Variants in ATXN2 observed in about 807,000 individuals in gnomAD.
ATXN2 encodes ataxin 2.
ATXN2 carries 37 observed loss-of-function variants against 138.6 expected under a neutral mutation model. The ratio of observed to expected loss-of-function variants is 0.27; its 90% CI spans 0.21 to 0.35. ATXN2 has a LOEUF of 0.35. Ranked by LOEUF, ATXN2 falls within the 10% of genes least tolerant of loss-of-function variation. The pLI is 1.00. For synonymous variants in ATXN2, 549 were observed against 543.7 expected (o/e 1.01, Z -0.13); for missense variants, 1,216 against 1,480.3 (o/e 0.82, Z 2.93).
chr12:111,458,560 G>A (rs2135653001), intron 21 of ATXN2, among the ~76,000 whole-genome samples: 1 of 152,312 alleles, frequency 6.6e-6, no homozygotes, highest in South Asian at 2.1e-4. Flanking sequence ...TGAGAATAGA[G>A]CGTTCTCAAG....
At chr12:111,578,250 T>C (rs1883792090) in intron 1 of ATXN2, among the ~76,000 whole-genome samples, 1 of 152,144 alleles carries the variant, frequency 6.6e-6, no homozygotes, top group East Asian at 1.9e-4. Context: ...AACTGTTCAG[T>C]GTTTGTCTAC....
intron 5 of ATXN2, among the ~76,000 whole-genome samples, chr12:111,526,452 C>T (rs1389666664): frequency 6.6e-6 from 1 of 150,860 alleles, no homozygotes; most frequent in African/African-American, 2.4e-5. Context: ...TCACCCAGAC[C>T]GGAGTGCAGT....
intron 1 of ATXN2, among the ~76,000 whole-genome samples, chr12:111,592,258 C>T (rs757220179): frequency 6.6e-6 from 1 of 151,108 alleles, no homozygotes; most frequent in African/African-American, 2.4e-5. Flanking sequence ...GGCATGGTGG[C>T]GGGTGCCTGT....
chr12:111,483,188 AACACATACACACACACACACACACAC>A (rs1346975749), intron 18 of ATXN2, among the ~76,000 whole-genome samples: 43 of 118,944 alleles, frequency 3.6e-4, no homozygotes, highest in Non-Finnish European at 5.5e-4. Context: ...CCCTGTATCA[AACACATACACACACACACACACACAC>A]ACACACACAC....
At position 111,479,671 on chromosome 12, in the gene ATXN2, C is replaced by T. The variant is rs576615970; in HGVS notation, c.2524+5594G>A. On this transcript the variant is annotated intron_variant, in intron 18 of 24. Transcript: ENST00000673436. ...GTCCTGGGACGGCTTTGAATGTGGC[C>T]CAACACAAATTCATAAACTTTCTTA... 1.5e-4 allele frequency among the ~76,000 whole-genome samples: 23 copies of T among 152,098 alleles called. No individual in the cohort carries two copies. The South Asian group carries it at 4.6e-3, about 30-fold the overall frequency.
At chr12:111,467,307 C>CT (rs61507608) in intron 20 of ATXN2, among the ~76,000 whole-genome samples, 3,649 of 34,856 alleles carry the variant, frequency 0.1, 1,458 homozygotes, top group African/African-American at 0.13. Flanking sequence ...CATGACTGGG[C>CT]TTTTTTTTTT....
At chr12:111,470,314 T>C in intron 19 of ATXN2, 74 bp from the exon 20 acceptor site, 1 of 1,534,150 alleles carries the variant, frequency 6.5e-7, no homozygotes, top group South Asian at 1.2e-5. Flanking sequence ...GTTAAGATTT[T>C]TAACTCCATG....
At chr12:111,590,639 C>T (rs1297574766) in intron 1 of ATXN2, among the ~76,000 whole-genome samples, 3 of 151,048 alleles carry the variant, frequency 2.0e-5, no homozygotes, top group Non-Finnish European at 2.9e-5. Context: ...GAGCTGAGAT[C>T]GTGCCACTGC....
intron 5 of ATXN2, among the ~76,000 whole-genome samples, chr12:111,538,330 A>G (rs1381260056): frequency 1.3e-5 from 2 of 152,166 alleles, no homozygotes; most frequent in East Asian, 1.9e-4. Context: ...AAGATAAAAT[A>G]CATCATCTTA....
intron 14 of ATXN2, among the ~76,000 whole-genome samples, chr12:111,503,442 T>C (rs1303719973): frequency 6.6e-6 from 1 of 152,078 alleles, no homozygotes; most frequent in Non-Finnish European, 1.5e-5. Flanking sequence ...AGACAAGATT[T>C]AACATACAAG....
chr12:111,509,929 T>C lies in ATXN2; in HGVS notation c.1826A>G (p.Asn609Ser), dbSNP rs772886068. Residue 609 changes from asparagine to serine, a missense_variant, in exon 13 of 25, where the codon AAT (asparagine) becomes AGT (serine). By Grantham distance (46) the Asn-to-Ser change is conservative. Around this residue, in one of 4 missense-constraint regions of ATXN2, gnomAD observed 215 missense variants for 210.0 expected, o/e 1.02. Transcript: ENST00000673436. The stretch of plus-strand genomic sequence containing the variant: ...TTTTGAGAAGCTAGGTGATGTTTCA[T>C]TGGGTTTAATATTTTCTTTATTCCC... ...PAGNKENIKP[N>S]ETSPSFSKAE... is the part of the protein sequence containing the mutation. 17 of 1,613,200 alleles carry C rather than the reference T, an allele frequency of 1.1e-5. No individual in the cohort carries two copies. Among genetic ancestry groups the C allele is most frequent in the African/African-American group, 8.0e-5 (6 of 74,908 alleles).
chr12:111,535,091 A>C (rs1881071057), intron 5 of ATXN2, among the ~76,000 whole-genome samples: 1 of 152,224 alleles, frequency 6.6e-6, no homozygotes, highest in African/African-American at 2.4e-5. Context: ...GCGCCACTGC[A>C]TTCTAGTAGG....
intron 5 of ATXN2, among the ~76,000 whole-genome samples, chr12:111,528,315 G>A (rs191746278): frequency 2.0e-5 from 3 of 152,194 alleles, no homozygotes; most frequent in East Asian, 1.9e-4. Context: ...GAGTCAAGCC[G>A]TCTTCAAACC....
Position 111,453,375 on chromosome 12 carries a change from C to T in ATXN2, c.3439+302G>A, listed in dbSNP as rs1304237689. ...TCAGGAAGGAAAACACTGCCCTGTCCAGCCTGTCATAACAAGGAAGGCCAA... is the reference window on the plus strand; with the variant it reads ...TCAGGAAGGAAAACACTGCCCTGTCTAGCCTGTCATAACAAGGAAGGCCAA... On this transcript the variant is annotated intron_variant, in intron 24 of 24. Coordinates refer to ENST00000673436, the MANE Select transcript of ATXN2 (RefSeq NM_001372574.1). The surrounding 1 kb of genome is among the most constrained non-coding windows in gnomAD (Gnocchi z 5.4). 1 of 1,149,538 alleles carries T rather than the reference C, an allele frequency of 8.7e-7. No individual in the cohort carries two copies. Among genetic ancestry groups the T allele is most frequent in the Non-Finnish European group, 1.1e-6 (1 of 934,662 alleles). 71.2% of individuals were successfully genotyped at this position (1,149,538 alleles called of 1,614,324 possible).
intron 14 of ATXN2, among the ~76,000 whole-genome samples, chr12:111,502,063 T>A (rs1246670332): frequency 6.6e-6 from 1 of 152,096 alleles, no homozygotes; most frequent in Non-Finnish European, 1.5e-5. Flanking sequence ...GGCTAATGTG[T>A]GTATTTTTTT....
chr12:111,530,656 T>C (rs1172226474), intron 5 of ATXN2, among the ~76,000 whole-genome samples: 1 of 152,016 alleles, frequency 6.6e-6, no homozygotes, highest in Non-Finnish European at 1.5e-5. Context: ...CTACTAAAAA[T>C]ACAAAAAGTT....
chr12:111,592,932 T>C (rs1027282086), intron 1 of ATXN2, among the ~76,000 whole-genome samples: 4 of 151,506 alleles, frequency 2.6e-5, no homozygotes, highest in Non-Finnish European at 1.5e-5. Flanking sequence ...CAAAATACTA[T>C]CACTAGTCAA....
intron 1 of ATXN2, among the ~76,000 whole-genome samples, chr12:111,576,340 A>G (rs1883645973): frequency 6.6e-6 from 1 of 151,782 alleles, no homozygotes; most frequent in African/African-American, 2.4e-5. Context: ...GGTACTTGGG[A>G]GGCTGAATCA....
chr12:111,567,855 CTG>C (rs778780942), intron 1 of ATXN2, among the ~76,000 whole-genome samples: 75 of 152,250 alleles, frequency 4.9e-4, no homozygotes, highest in Non-Finnish European at 9.3e-4. Context: ...GTCTTATTCA[CTG>C]TGTTACTTAA....
Sources: allele counts gnomAD v4.1 joint callset (sites outside exome capture counted in the v4.1 genomes callset), GRCh38; gene constraint gnomAD v4.1.1; regional missense constraint gnomAD v4.1.1; non-coding constraint Gnocchi (gnomAD v3.1); transcripts MANE v1.5; gene names NCBI Gene and HGNC (gene_info 2026-07-23, HGNC 2026-07-21).